The following FGF9 variants were observed in gnomAD, a reference collection of about 807,000 sequenced individuals.
The protein encoded by FGF9 is fibroblast growth factor 9, also known as fibroblast growth factor 9 (glia-activating factor).
Under a neutral mutation model 19.9 loss-of-function variants are expected in FGF9, and 3 were observed. The ratio of observed to expected loss-of-function variants is 0.15; its 90% CI spans 0.07 to 0.39. FGF9 has a LOEUF of 0.39. Among genes scored for constraint, FGF9 ranks in the 10% least tolerant of loss-of-function variants. The pLI is 1.00. For missense variants in FGF9, 175 were observed against 256.8 expected (o/e 0.68, Z 2.18); for synonymous variants, 107 against 106.9 (o/e 1.00, Z -0.01).
In FGF9 at chr13:21,671,882, T is replaced by C. The variant is rs1289797542; in HGVS notation, c.-31T>C. 3 of 1,613,966 alleles carry C rather than the reference T, an allele frequency of 1.9e-6. No homozygotes were observed. In the Admixed American group the frequency reaches 5.0e-5, roughly 27 times the overall value. ...CTGGGTTGACACCATCATTATTGTTTATTCTTGTGCTCCAAAAGCCGAGTC... is the reference window on the plus strand; with the variant it reads ...CTGGGTTGACACCATCATTATTGTTCATTCTTGTGCTCCAAAAGCCGAGTC... On this transcript the variant is annotated 5_prime_UTR_variant, in exon 1 of 3. Transcript: ENST00000382353.
chr13:21,677,306 C>T lies in FGF9; in HGVS notation c.278-3736C>T, dbSNP rs1006325225. On this transcript the variant is annotated intron_variant, in intron 1 of 2. Coordinates refer to ENST00000382353, the MANE Select transcript of FGF9 (RefSeq NM_002010.3). ...CACAAACTCATCATTCCCTCCCTTC[C>T]TCCTCCCCTCTTCCTTCCTTCTTTT... is the stretch of plus-strand genomic sequence containing the variant. Among the ~76,000 whole-genome samples the T allele has an allele frequency of 1.2e-4, 18 of 152,182 alleles. 1 individual carries two copies. Among genetic ancestry groups the T allele is most frequent in the Non-Finnish European group, 1.5e-5 (1 of 68,030 alleles).
Position 21,691,895 on chromosome 13 carries a change from AGT to A in FGF9, c.382-9291_382-9290del, listed in dbSNP as rs1451479649. ...CGAGGACTAAAAGGTTATGGTGCTA[AGT>A]GTGAGAGCCACACTCAGAGCTGTCT... On this transcript the variant is annotated intron_variant, in intron 2 of 2. Coordinates refer to ENST00000382353, the MANE Select transcript of FGF9 (RefSeq NM_002010.3). The surrounding 1 kb of genome is among the most constrained non-coding windows in gnomAD (Gnocchi z 4.2). Among the ~76,000 whole-genome samples the A allele has an allele frequency of 1.3e-5, 2 of 152,084 alleles. No individual in the cohort carries two copies. The highest frequency in any genetic ancestry group is 2.9e-5 in the Non-Finnish European group (2 of 68,026).
At chr13:21,692,796 T>C (rs1872322550) in intron 2 of FGF9, among the ~76,000 whole-genome samples, 1 of 152,158 alleles carries the variant, frequency 6.6e-6, no homozygotes, top group Non-Finnish European at 1.5e-5. Context: ...CCTCCGAAGA[T>C]AAATAAAAAA....
intron 1 of FGF9, among the ~76,000 whole-genome samples, chr13:21,677,252 CAT>C (rs769926780): frequency 5.9e-5 from 9 of 152,204 alleles, no homozygotes; most frequent in Non-Finnish European, 1.0e-4. Flanking sequence ...CCATGGTACA[CAT>C]GTGTGTGCCA....
chr13:21,681,076 G>C lies in FGF9; in HGVS notation c.312G>C (p.Leu104=). Residue 104 remains leucine, a synonymous_variant, in exon 2 of 3, where the codon CTG becomes CTC. Transcript: ENST00000382353. ...ILEFISIAVG[L]VSIRGVDSGL... The stretch of plus-strand genomic sequence containing the variant: ...AATTTATCAGTATAGCAGTGGGCCT[G>C]GTCAGCATTCGAGGCGTGGACAGTG... 6.2e-7 allele frequency: 1 copy of C among 1,614,002 alleles called. No homozygotes were observed. Among genetic ancestry groups the C allele is most frequent in the Non-Finnish European group, 8.5e-7 (1 of 1,179,910 alleles).
chr13:21,703,682 A>G lies in FGF9; in HGVS notation c.*2247A>G, dbSNP rs925715695. 3.3e-5 allele frequency: 5 copies of G among 152,142 alleles called. No individual in the cohort carries two copies. The highest frequency in any genetic ancestry group is 1.2e-4 in the African/African-American group (5 of 41,440). The allele number at this position is 152,142 out of a possible 1,614,324, so 9.4% of individuals were successfully genotyped here. ...ATTAAACATTTGACCACAGGGAAGAATCAAGTTTCTAGGATGTCATAGGTA... is the reference window on the plus strand; with the variant it reads ...ATTAAACATTTGACCACAGGGAAGAGTCAAGTTTCTAGGATGTCATAGGTA... On this transcript the variant is annotated 3_prime_UTR_variant, in exon 3 of 3. Coordinates refer to ENST00000382353, the MANE Select transcript of FGF9 (RefSeq NM_002010.3).
In FGF9 at chr13:21,672,608, GT is replaced by G. The variant is rs757465926; in HGVS notation, c.277+426del. The stretch of plus-strand genomic sequence containing the variant: ...GTGGGTATCTTGTGCCCAAATTAAG[GT>G]TTTTTTCCTTTCCCCCTTTCCTCTA... On this transcript the variant is annotated intron_variant, in intron 1 of 2. Transcript: ENST00000382353. This position sits in a 1 kb window ranked among gnomAD's most constrained non-coding sequence, Gnocchi z 4.2. Among the ~76,000 whole-genome samples, 4 of 152,106 alleles carry G rather than the reference GT, an allele frequency of 2.6e-5. No individual in the cohort carries two copies. The highest frequency in any genetic ancestry group is 4.4e-5 in the Non-Finnish European group (3 of 68,012).
chr13:21,681,532 C>G (rs1291573424), intron 2 of FGF9, among the ~76,000 whole-genome samples: 1 of 152,236 alleles, frequency 6.6e-6, no homozygotes, highest in Non-Finnish European at 1.5e-5. Context: ...TGAATCTAAA[C>G]TCTCTCTGAG....
chr13:21,687,988 C>T lies in FGF9; in HGVS notation c.381+6843C>T, dbSNP rs17070353. On this transcript the variant is annotated intron_variant, in intron 2 of 2. Coordinates refer to ENST00000382353, the MANE Select transcript of FGF9 (RefSeq NM_002010.3). ...ATGCCCTTTGCCTTCTAGGTATCTG[C>T]GGTGCCAGTGTGGGAGAACACTGCA... Among the ~76,000 whole-genome samples the T allele has an allele frequency of 5.6e-3, 851 of 152,292 alleles. 7 individuals are homozygous for T. Among genetic ancestry groups the T allele is most frequent in the African/African-American group, 0.019 (785 of 41,570 alleles).
chr13:21,679,358 G>A (rs1418080254), intron 1 of FGF9, among the ~76,000 whole-genome samples: 1 of 152,032 alleles, frequency 6.6e-6, no homozygotes, highest in Non-Finnish European at 1.5e-5. Flanking sequence ...GATTTATGCT[G>A]TTCATGTCTT....
At chr13:21,682,186 T>C (rs1054033178) in intron 2 of FGF9, among the ~76,000 whole-genome samples, 4 of 152,004 alleles carry the variant, frequency 2.6e-5, no homozygotes, top group African/African-American at 9.7e-5. Flanking sequence ...CGAAAATTTT[T>C]TTTTTTTGTA....
chr13:21,685,181 A>G (rs1257377551), intron 2 of FGF9, among the ~76,000 whole-genome samples: 1 of 152,262 alleles, frequency 6.6e-6, no homozygotes, highest in Non-Finnish European at 1.5e-5. Flanking sequence ...GAAGCTCAGT[A>G]AACTAAATTG....
chr13:21,693,268 G>A (rs879668118), intron 2 of FGF9, among the ~76,000 whole-genome samples: 7 of 152,268 alleles, frequency 4.6e-5, no homozygotes, highest in East Asian at 3.9e-4. Flanking sequence ...CGGGGCTGAT[G>A]TGAGTATAGT....
chr13:21,682,221 C>T (rs1565949960), intron 2 of FGF9, among the ~76,000 whole-genome samples: 1 of 151,862 alleles, frequency 6.6e-6, no homozygotes, highest in African/African-American at 2.4e-5. Flanking sequence ...CTATGTTGCT[C>T]AGGCTGGTCT....
Position 21,671,636 on chromosome 13 carries a change from T to G in FGF9, c.-277T>G. The G allele has an allele frequency of 1.7e-6, 1 of 598,136 alleles. No individual in the cohort carries two copies. The highest frequency in any genetic ancestry group is 2.1e-5 in the South Asian group (1 of 48,670). 37.1% of individuals were successfully genotyped at this position (598,136 alleles called of 1,614,324 possible). ...CTGCCTGCTAAGAGCTGGGGATCTA[T>G]CTATAGAGATACATAGATATGTTTA... is the stretch of plus-strand genomic sequence containing the variant. On this transcript the variant is annotated 5_prime_UTR_variant, in exon 1 of 3. Transcript: ENST00000382353.
At chr13:21,696,119 G>A (rs974485896) in intron 2 of FGF9, among the ~76,000 whole-genome samples, 8 of 152,092 alleles carry the variant, frequency 5.3e-5, no homozygotes, top group Admixed American at 5.2e-4. Flanking sequence ...TTTTCAAATT[G>A]TCTAATATTT....
Position 21,671,625 on chromosome 13 carries a change from C to A in FGF9, c.-288C>A. The A allele has an allele frequency of 1.8e-6, 1 of 557,376 alleles. No homozygotes were observed. Among genetic ancestry groups the A allele is most frequent in the Non-Finnish European group, 3.2e-6 (1 of 316,420 alleles). The allele number at this position is 557,376 out of a possible 1,614,324, so 34.5% of individuals were successfully genotyped here. A position where few individuals can be genotyped will look rare whatever the true frequency, so the allele number is the denominator to read the frequency against. On this transcript the variant is annotated 5_prime_UTR_variant, in exon 1 of 3. The change creates a new upstream start codon in the 5' untranslated region. Coordinates refer to ENST00000382353, the MANE Select transcript of FGF9 (RefSeq NM_002010.3). ...TGAAGACCTTCCTGCCTGCTAAGAG[C>A]TGGGGATCTATCTATAGAGATACAT...
At chr13:21,694,576 T>G (rs1170609761) in intron 2 of FGF9, among the ~76,000 whole-genome samples, 2 of 152,262 alleles carry the variant, frequency 1.3e-5, no homozygotes, top group Non-Finnish European at 2.9e-5. Flanking sequence ...AATGTTTAAT[T>G]TGAAGTATTT....
intron 2 of FGF9, among the ~76,000 whole-genome samples, chr13:21,689,690 C>T (rs1593096552): frequency 6.6e-6 from 1 of 152,360 alleles, no homozygotes; most frequent in Middle Eastern, 3.4e-3. Flanking sequence ...TTCATTAACA[C>T]TTTCAAATGA....
Sources: gnomAD v4.1 joint callset for allele counts (sites outside exome capture counted in the v4.1 genomes callset) on GRCh38, gnomAD v4.1.1 for gene constraint, Gnocchi (gnomAD v3.1) non-coding constraint, MANE v1.5 for transcripts, NCBI Gene and HGNC (gene_info 2026-07-23, HGNC 2026-07-21) for gene names.